MYH14: variants seen among roughly 807,000 people sequenced by gnomAD.
MYH14 encodes myosin-14.
Under a neutral mutation model 255.5 loss-of-function variants are expected in MYH14, and 123 were observed. The observed-to-expected ratio is 0.48, with a 90% CI of 0.42 to 0.56. MYH14 has a LOEUF of 0.56. Ranked by LOEUF, MYH14 falls within the 20% of genes least tolerant of loss-of-function variation. The pLI, the probability that MYH14 is intolerant of heterozygous loss-of-function variation, is 0.00. For missense variants in MYH14, 2,423 were observed against 2,802.3 expected (o/e 0.86, Z 3.06); for synonymous variants, 1,095 against 1,161.2 (o/e 0.94, Z 1.16).
intron 27 of MYH14, among the ~76,000 whole-genome samples, 194 bp downstream of exon 27, chr19:50,272,925 G>A (rs1358664518): frequency 6.6e-6 from 1 of 152,150 alleles, no homozygotes; most frequent in African/African-American, 2.4e-5. Context: ...GGCCCACTAG[G>A]TTAAGGGAAA....
chr19:50,291,965 C>G (rs1316847001), intron 36 of MYH14, among the ~76,000 whole-genome samples: 2 of 152,146 alleles, frequency 1.3e-5, no homozygotes, highest in Non-Finnish European at 2.9e-5. Context: ...AGGATATGGC[C>G]AAGTTGTAAT....
Position 50,289,508 on chromosome 19 carries a change from C to A in MYH14, c.4825C>A (p.Leu1609Met), listed in dbSNP as rs376644018. 2.4e-5 allele frequency: 38 copies of A among 1,613,132 alleles called. No individual in the cohort carries two copies. Among genetic ancestry groups the A allele is most frequent in the Non-Finnish European group, 3.2e-5 (38 of 1,179,670 alleles). ...ANDLRAQVTELEDELTAAEDA... is the reference protein window; with the variant it reads ...ANDLRAQVTEMEDELTAAEDA... ...TGATCTGCGAGCACAGGTGACAGAACTGGAGGATGAGCTGACAGCGGCCGA... is the reference window on the plus strand; with the variant it reads ...TGATCTGCGAGCACAGGTGACAGAAATGGAGGATGAGCTGACAGCGGCCGA... Residue 1609 changes from leucine to methionine, a missense_variant, in exon 35 of 43, where the codon CTG becomes ATG. By Grantham distance (15) the Leu-to-Met change is conservative (BLOSUM62 2). Coordinates refer to ENST00000642316, the MANE Select transcript of MYH14 (RefSeq NM_001145809.2).
At chr19:50,247,325 A>G (rs2034169614) in intron 12 of MYH14, among the ~76,000 whole-genome samples, 1 of 152,054 alleles carries the variant, frequency 6.6e-6, no homozygotes, top group African/African-American at 2.4e-5. Context: ...AGTTATAGTA[A>G]GGAAATGGAT....
rs2035720687 is a variant in MYH14 at position 50,281,587 on chromosome 19, C to T, written c.4291-7C>T. The T allele has an allele frequency of 6.3e-7, 1 of 1,578,924 alleles. No individual in the cohort carries two copies. The highest frequency in any genetic ancestry group is 8.6e-7 in the Non-Finnish European group (1 of 1,162,900). On this transcript the variant is annotated splice_polypyrimidine_tract_variant and splice_region_variant and intron_variant, in intron 32 of 42. Transcript: ENST00000642316. The stretch of plus-strand genomic sequence containing the variant: ...ACCACCAACCACCCTCTCTCTCCTC[C>T]CCTCAGCTTTCCGAGTGGCGGCGGC...
chr19:50,250,573 C>T lies in MYH14; in HGVS notation c.1715C>T (p.Thr572Ile), dbSNP rs761879168. The T allele has an allele frequency of 7.4e-6, 12 of 1,614,080 alleles. No individual in the cohort carries two copies. Among genetic ancestry groups the T allele is most frequent in the Non-Finnish European group, 9.3e-6 (11 of 1,179,978 alleles). The change falls in exon 15 of 43, where the codon ACA becomes ATA. Residue 572 changes from threonine (T) to isoleucine (I), a missense_variant. Thr to Ile is a moderately conservative substitution (Grantham distance 89, BLOSUM62 -1). This residue lies in a region of MYH14 where 672 missense variants were observed against 881.8 expected (regional missense o/e 0.76). Transcript: ENST00000642316. This position sits in a 1 kb window ranked among gnomAD's most constrained non-coding sequence, Gnocchi z 5.4. ...LDEECWFPKA[T>I]DKSFVEKVAQ... ...GAGGAGTGCTGGTTCCCGAAGGCCA[C>T]AGACAAGTCGTTTGTGGAGAAGGTA...
Position 50,260,721 on chromosome 19 carries a change from T to A in MYH14, c.2424+6T>A. ...AGCAGGCCTGTGAAAAGATGGTGAG[T>A]GGGGCAGAGCCTGGAATGCGTGTGT... On this transcript the variant is annotated splice_donor_region_variant and intron_variant, in intron 20 of 42. Transcript: ENST00000642316. 6.2e-7 allele frequency: 1 copy of A among 1,608,378 alleles called. No individual in the cohort carries two copies. Among genetic ancestry groups the A allele is most frequent in the Non-Finnish European group, 8.5e-7 (1 of 1,177,886 alleles).
rs1021427733 is a variant in MYH14 at position 50,203,974 on chromosome 19, G to A, written c.-4+303G>A. Among the ~76,000 whole-genome samples the A allele has an allele frequency of 7.8e-4, 119 of 152,016 alleles. 1 individual carries two copies. Among genetic ancestry groups the A allele is most frequent in the Non-Finnish European group, 1.5e-3 (105 of 68,010 alleles). ...AAACTGAGGCTGTCTTTGGAACCTC[G>A]GCCGCTTTAATACCTGAGTCATCGC... On this transcript the variant is annotated intron_variant, in intron 1 of 42. Coordinates refer to ENST00000642316, the MANE Select transcript of MYH14 (RefSeq NM_001145809.2).
chr19:50,224,226 C>T (rs201626754), intron 6 of MYH14, 49 bp downstream of exon 6: 72 of 1,613,254 alleles, frequency 4.5e-5, no homozygotes, highest in African/African-American at 2.4e-4. Context: ...AATGCCTTCC[C>T]GGCCACCCAA....
At chr19:50,275,317 G>T (rs971254028) in intron 27 of MYH14, among the ~76,000 whole-genome samples, 23 of 152,174 alleles carry the variant, frequency 1.5e-4, no homozygotes, top group Non-Finnish European at 2.9e-5. Flanking sequence ...ATCCCTGTGA[G>T]AGCTGTAAGG....
chr19:50,214,420 T>A (rs1206277649), intron 2 of MYH14, among the ~76,000 whole-genome samples: 1 of 152,144 alleles, frequency 6.6e-6, no homozygotes, highest in Non-Finnish European at 1.5e-5. Flanking sequence ...CTGCCACTAA[T>A]AGGCTGTTTG....
chr19:50,294,563 C>T (rs2123460155), intron 39 of MYH14, among the ~76,000 whole-genome samples: 1 of 150,644 alleles, frequency 6.6e-6, no homozygotes, highest in South Asian at 2.1e-4. Flanking sequence ...CCAATTTTCT[C>T]TACAAAATAT....
In MYH14 at chr19:50,278,382, A is replaced by G. The variant is rs560321741; in HGVS notation, c.4032+93A>G. On this transcript the variant is annotated intron_variant, in intron 30 of 42. Transcript: ENST00000642316. Reference sequence around the variant, plus strand: ...CTTCTATTTGGTCCATATCAAACCAATTGTCTCGTTTGGCTCTTCCAACAT... The same window carrying G: ...CTTCTATTTGGTCCATATCAAACCAGTTGTCTCGTTTGGCTCTTCCAACAT... 63 of 925,100 alleles carry G rather than the reference A, an allele frequency of 6.8e-5. No individual in the cohort carries two copies. The African/African-American group carries it at 6.9e-4, about 10-fold the overall frequency. 57.3% of individuals were successfully genotyped at this position (925,100 alleles called of 1,614,324 possible).
rs547710584 is a variant in MYH14 at position 50,246,111 on chromosome 19, T to TCTTCCTTC, written c.1211-879_1211-872dup. The stretch of plus-strand genomic sequence containing the variant: ...CCCTCCCTCCCTCCCTCCCTTCCTT[T>TCTTCCTTC]CTTCCTTCCTTCCTTCCTTCCCTCC... On this transcript the variant is annotated intron_variant, in intron 11 of 42. Transcript: ENST00000642316. Among the ~76,000 whole-genome samples the TCTTCCTTC allele has an allele frequency of 2.8e-4, 30 of 106,264 alleles. No individual in the cohort carries two copies. In the East Asian group the frequency reaches 3.3e-3, roughly 12 times the overall value. The allele number at this position is 106,264 out of a possible 152,430, so 69.7% of individuals were successfully genotyped here.
rs775543716 is a variant in MYH14, at chr19:50,271,424, CT to C, written c.3051del (p.Glu1018ArgfsTer15). ...QQHIQELEAH[L>X]EAEEGARQKL... ...CCCACCCCAGGAGCTAGAGGCCCAC[CT>C]TGAGGCTGAGGAGGGTGCGCGGCAG... is the stretch of plus-strand genomic sequence containing the variant. On this transcript the variant is annotated frameshift_variant, in exon 25 of 43. Coordinates refer to ENST00000642316, the MANE Select transcript of MYH14 (RefSeq NM_001145809.2). The C allele has an allele frequency of 3.7e-6, 6 of 1,604,440 alleles. No individual in the cohort carries two copies. The highest frequency in any genetic ancestry group is 1.7e-6 in the Non-Finnish European group (2 of 1,175,828).
intron 33 of MYH14, chr19:50,285,487 G>A (rs902449145): frequency 5.9e-5 from 9 of 152,096 alleles, no homozygotes; most frequent in African/African-American, 2.2e-4. Context: ...TGGTTTTATG[G>A]CTATTTTAAG....
intron 33 of MYH14, among the ~76,000 whole-genome samples, chr19:50,283,099 G>A (rs2035779404): frequency 6.6e-6 from 1 of 150,766 alleles, no homozygotes; most frequent in African/African-American, 2.5e-5. Flanking sequence ...AATCTCTTTT[G>A]GGATGGGCTT....
At chr19:50,268,774 G>A (rs1426363709) in intron 24 of MYH14, among the ~76,000 whole-genome samples, 1 of 152,142 alleles carries the variant, frequency 6.6e-6, no homozygotes, top group Non-Finnish European at 1.5e-5. Context: ...TTCAGGCATG[G>A]CTGGATCCAG....
At chr19:50,264,085 GT>G (rs2034994476) in intron 22 of MYH14, among the ~76,000 whole-genome samples, 1 of 47,666 alleles carries the variant, frequency 2.1e-5, no homozygotes, top group South Asian at 7.5e-4. Context: ...AAGAGCAAAG[GT>G]TAAAAAAAAA....
At chr19:50,274,128 C>T (rs2035418843) in intron 27 of MYH14, among the ~76,000 whole-genome samples, 1 of 152,136 alleles carries the variant, frequency 6.6e-6, no homozygotes, top group Non-Finnish European at 1.5e-5. Context: ...TACCCTGAGC[C>T]CTCAATAAAT....
Sources: gnomAD v4.1 joint callset for allele counts (sites outside exome capture counted in the v4.1 genomes callset) on GRCh38, gnomAD v4.1.1 for gene constraint, gnomAD v4.1.1 regional missense constraint, Gnocchi (gnomAD v3.1) non-coding constraint, MANE v1.5 for transcripts, NCBI Gene and HGNC (gene_info 2026-07-23, HGNC 2026-07-21) for gene names.